TCF12: variants seen among roughly 807,000 people sequenced by gnomAD.
TCF12 encodes transcription factor 12.
TCF12 carries 45 observed loss-of-function variants against 86.0 expected under a neutral mutation model. That is an observed-to-expected ratio of 0.52 (90% CI 0.41 to 0.67). The LOEUF is 0.67. Ranked by LOEUF, TCF12 falls within the 30% of genes least tolerant of loss-of-function variation. The probability of loss-of-function intolerance (pLI) is 0.00; values close to 1 mark genes in which losing one functional copy is unlikely to be tolerated. For missense variants in TCF12, 881 were observed against 859.9 expected (o/e 1.02, Z -0.31); for synonymous variants, 330 against 299.6 (o/e 1.10, Z -1.05).
intron 3 of TCF12, among the ~76,000 whole-genome samples, chr15:56,946,959 A>G (rs2061029192): frequency 6.6e-6 from 1 of 151,852 alleles, no homozygotes; most frequent in African/African-American, 2.4e-5. Context: ...CACCACATCC[A>G]GCTAATTTTT....
intron 5 of TCF12, among the ~76,000 whole-genome samples, chr15:57,150,919 C>T (rs1291184246): frequency 7.2e-6 from 1 of 138,568 alleles, no homozygotes; most frequent in African/African-American, 2.7e-5. Flanking sequence ...TCCTTCCTTC[C>T]TTCCTTCCTT....
chr15:57,061,934 A>T (rs1173210349), intron 3 of TCF12, among the ~76,000 whole-genome samples: 1 of 151,968 alleles, frequency 6.6e-6, no homozygotes, highest in African/African-American at 2.4e-5. Context: ...GTGTCTAATG[A>T]TACTGGAGAG....
chr15:56,988,203 A>G (rs1417916269), intron 3 of TCF12, among the ~76,000 whole-genome samples: 1 of 152,184 alleles, frequency 6.6e-6, no homozygotes, highest in Non-Finnish European at 1.5e-5. Context: ...CTTGACAGGG[A>G]TAAGTTGTAA....
intron 5 of TCF12, among the ~76,000 whole-genome samples, chr15:57,121,949 G>A (rs1270624871): frequency 6.6e-6 from 1 of 152,028 alleles, no homozygotes; most frequent in African/African-American, 2.4e-5. Flanking sequence ...GATGGTGAGT[G>A]AACACAGTAT....
chr15:57,099,090 G>A (rs2049542707), intron 5 of TCF12, among the ~76,000 whole-genome samples: 2 of 152,152 alleles, frequency 1.3e-5, no homozygotes, highest in African/African-American at 2.4e-5. Context: ...TTTTTAATCA[G>A]TGGACATGTG....
chr15:57,290,260 T>G (rs1355145198), downstream of TCF12, among the ~76,000 whole-genome samples: 1 of 151,504 alleles, frequency 6.6e-6, no homozygotes, highest in Non-Finnish European at 1.5e-5. Context: ...GGAGAATCAC[T>G]TGAACCCGGG....
intron 8 of TCF12, among the ~76,000 whole-genome samples, chr15:57,199,209 T>C (rs879900981): frequency 3.2e-4 from 49 of 152,206 alleles, no homozygotes; most frequent in Non-Finnish European, 7.1e-4. Context: ...GAATTTTTTT[T>C]CAGCAGCAGC....
intron 3 of TCF12, among the ~76,000 whole-genome samples, chr15:56,970,056 G>C (rs555280261): frequency 1.5e-4 from 23 of 152,166 alleles, no homozygotes; most frequent in Admixed American, 8.5e-4. Context: ...TTTAAAAAAG[G>C]TCATGTGGAC....
chr15:56,969,299 TAG>T (rs2062167547), intron 3 of TCF12, among the ~76,000 whole-genome samples: 1 of 152,126 alleles, frequency 6.6e-6, no homozygotes, highest in African/African-American at 2.4e-5. Flanking sequence ...GGCTGCTGTG[TAG>T]AGAATAGGGT....
intron 3 of TCF12, among the ~76,000 whole-genome samples, chr15:57,015,084 T>C (rs2141200234): frequency 6.6e-6 from 1 of 150,966 alleles, no homozygotes; most frequent in African/African-American, 2.4e-5. Context: ...GGCTCAGGAG[T>C]TCAAGACTAG....
intron 7 of TCF12, among the ~76,000 whole-genome samples, chr15:57,193,086 A>C (rs998799103): frequency 2.6e-5 from 4 of 152,186 alleles, no homozygotes; most frequent in Non-Finnish European, 4.4e-5. Flanking sequence ...TTCTCATCTC[A>C]TCAGTTCACC....
At chr15:57,256,311 G>T (rs1044426572) in intron 16 of TCF12, among the ~76,000 whole-genome samples, 2 of 152,092 alleles carry the variant, frequency 1.3e-5, no homozygotes, top group Non-Finnish European at 2.9e-5. Context: ...GTGTCTGAGG[G>T]CTTCCATTAG....
intron 3 of TCF12, among the ~76,000 whole-genome samples, chr15:56,967,674 C>G (rs1184829633): frequency 2.0e-5 from 3 of 152,102 alleles, no homozygotes; most frequent in South Asian, 2.1e-4. Flanking sequence ...GGGACTTGTT[C>G]TGGTTTCAAG....
chr15:56,988,039 T>C (rs1382892100), intron 3 of TCF12, among the ~76,000 whole-genome samples: 1 of 152,156 alleles, frequency 6.6e-6, no homozygotes, highest in Non-Finnish European at 1.5e-5. Flanking sequence ...GTTAATGTGC[T>C]TAAAAATAAC....
At chr15:57,273,395 C>T in intron 19 of TCF12, 133 bp downstream of exon 19, 7 of 905,356 alleles carry the variant, frequency 7.7e-6, no homozygotes, top group Admixed American at 2.8e-5. Context: ...TCATCAGGGT[C>T]GTTTTTCCTG....
chr15:56,940,730 C>CT (rs1283016663), intron 3 of TCF12, among the ~76,000 whole-genome samples: 21 of 102,816 alleles, frequency 2.0e-4, no homozygotes, highest in African/African-American at 8.5e-4. Context: ...ATCCCCTTCT[C>CT]TCCCCCCCCT....
intron 5 of TCF12, among the ~76,000 whole-genome samples, chr15:57,150,020 A>C (rs2053629342): frequency 6.6e-6 from 1 of 152,188 alleles, no homozygotes; most frequent in African/African-American, 2.4e-5. Context: ...AGAGCAGGAA[A>C]ACAAGGTGAG....
At chr15:57,045,366 G>C (rs1223863462) in intron 3 of TCF12, among the ~76,000 whole-genome samples, 2 of 152,144 alleles carry the variant, frequency 1.3e-5, no homozygotes, top group East Asian at 1.9e-4. Context: ...TTATTCTCAT[G>C]AAAGTAGGAA....
intron 7 of TCF12, among the ~76,000 whole-genome samples, chr15:57,193,949 C>T (rs2057117481): frequency 6.6e-6 from 1 of 152,242 alleles, no homozygotes; most frequent in South Asian, 2.1e-4. Context: ...TTTCCATCTC[C>T]AGTCTTGTTT....
Sources: allele counts gnomAD v4.1 joint callset (sites outside exome capture counted in the v4.1 genomes callset), GRCh38; gene constraint gnomAD v4.1.1; transcripts MANE v1.5; gene names NCBI Gene and HGNC (gene_info 2026-07-23, HGNC 2026-07-21).